Variants in PTP4A1 observed in about 807,000 individuals in gnomAD.
PTP4A1 encodes protein tyrosine phosphatase 4A1.
PTP4A1 carries 9 observed loss-of-function variants against 20.5 expected under a neutral mutation model. That is an observed-to-expected ratio of 0.44 (90% CI 0.26 to 0.77). PTP4A1 has a LOEUF of 0.77. PTP4A1 is among the 30% of genes least tolerant of loss of function. The pLI, the probability that PTP4A1 is intolerant of heterozygous loss-of-function variation, is 0.19. For missense variants in PTP4A1, 137 were observed against 218.8 expected (o/e 0.63, Z 2.36); for synonymous variants, 78 against 67.4 (o/e 1.16, Z -0.77).
At chr6:63,554,064 T>C (rs1039972180) in intron 3 of PTP4A1, among the ~76,000 whole-genome samples, 4 of 152,174 alleles carry the variant, frequency 2.6e-5, no homozygotes, top group Non-Finnish European at 2.9e-5. Flanking sequence ...AGTAATTCAG[T>C]GCTGTAATTT....
At chr6:63,575,782 TCA>T (rs1430905108) in intron 1 of PTP4A1, among the ~76,000 whole-genome samples, 1 of 152,156 alleles carries the variant, frequency 6.6e-6, no homozygotes, top group Admixed American at 6.5e-5. Context: ...TTTCAGAGAC[TCA>T]TTTTCCTCGT....
chr6:63,561,458 G>T (rs1669585642), intron 3 of PTP4A1, among the ~76,000 whole-genome samples: 1 of 152,164 alleles, frequency 6.6e-6, no homozygotes, highest in African/African-American at 2.4e-5. Context: ...GACAGTGCCT[G>T]ATAAACACTG....
intron 3 of PTP4A1, among the ~76,000 whole-genome samples, chr6:63,554,285 T>C (rs1776575934): frequency 1.3e-5 from 2 of 152,216 alleles, no homozygotes; most frequent in Non-Finnish European, 2.9e-5. Flanking sequence ...AACCTCAAAG[T>C]ATATGAAAAG....
upstream of PTP4A1, among the ~76,000 whole-genome samples, chr6:63,568,909 C>T (rs994776340): frequency 6.6e-6 from 1 of 151,992 alleles, no homozygotes; most frequent in African/African-American, 2.4e-5. Flanking sequence ...AGATTATGGC[C>T]CATTGGGGTA....
rs1432988965 is a variant in PTP4A1, at chr6:63,580,399, A to G, written c.*225A>G. On this transcript the variant is annotated 3_prime_UTR_variant, in exon 6 of 6. Transcript: ENST00000626021. ...AAAGATTCTTGCTGTCAGCATATAAAATGTGCTTGTCATTTGTATCAATTG... is the reference window on the plus strand; with the variant it reads ...AAAGATTCTTGCTGTCAGCATATAAGATGTGCTTGTCATTTGTATCAATTG... The G allele has an allele frequency of 6.4e-6, 3 of 469,404 alleles. No homozygotes were observed. The highest frequency in any genetic ancestry group is 1.2e-5 in the Non-Finnish European group (3 of 259,516). The allele number at this position is 469,404 out of a possible 1,614,324, so 29.1% of individuals were successfully genotyped here.
At position 63,582,036 on chromosome 6, in the gene PTP4A1, A is replaced by C. The variant is rs1778270421; in HGVS notation, c.*1862A>C. On this transcript the variant is annotated 3_prime_UTR_variant, in exon 6 of 6. Transcript: ENST00000626021. Reference sequence around the variant, plus strand: ...CTTGTGTTTCAAAGAATTTAGTTCCACCTCTTCATACCAGTTTAACACTTA... The same window carrying C: ...CTTGTGTTTCAAAGAATTTAGTTCCCCCTCTTCATACCAGTTTAACACTTA... 1 of 152,102 alleles carries C rather than the reference A, an allele frequency of 6.6e-6. No individual in the cohort carries two copies. Among genetic ancestry groups the C allele is most frequent in the South Asian group, 2.1e-4 (1 of 4,832 alleles). The allele number at this position is 152,102 out of a possible 1,614,324, so 9.4% of individuals were successfully genotyped here.
At chr6:63,534,777 T>C (rs1029200227) in intron 2 of PTP4A1, among the ~76,000 whole-genome samples, 2 of 147,504 alleles carry the variant, frequency 1.4e-5, no homozygotes, top group African/African-American at 5.4e-5. Context: ...GTAAAATTTC[T>C]TTACTAAAGA....
intron 3 of PTP4A1, among the ~76,000 whole-genome samples, chr6:63,565,009 C>A (rs1379453534): frequency 6.6e-6 from 1 of 152,070 alleles, no homozygotes; most frequent in Non-Finnish European, 1.5e-5. Context: ...TCCATCATTT[C>A]TTTTTTGTTT....
At chr6:63,528,253 G>T (rs1050462345) in intron 2 of PTP4A1, among the ~76,000 whole-genome samples, 2 of 152,180 alleles carry the variant, frequency 1.3e-5, no homozygotes, top group Admixed American at 6.5e-5. Flanking sequence ...CCATGGTGTA[G>T]ATGACTTGAG....
intron 5 of PTP4A1, 126 bp downstream of exon 5, chr6:63,579,457 A>C (rs1461179444): frequency 9.7e-6 from 6 of 619,390 alleles, no homozygotes; most frequent in Non-Finnish European, 1.5e-5. Context: ...TAAAACCAGG[A>C]AATCAAGATC....
At chr6:63,563,957 A>G (rs1170722825) in intron 3 of PTP4A1, among the ~76,000 whole-genome samples, 2 of 152,224 alleles carry the variant, frequency 1.3e-5, no homozygotes, top group African/African-American at 4.8e-5. Flanking sequence ...GTGCATTAAT[A>G]TGTCTGAGGA....
At chr6:63,526,546 A>C (rs1052167992) in intron 1 of PTP4A1, among the ~76,000 whole-genome samples, 35 of 151,974 alleles carry the variant, frequency 2.3e-4, no homozygotes, top group African/African-American at 8.5e-4. Flanking sequence ...GCAGTGGCTC[A>C]TGCCTGTAAT....
intron 3 of PTP4A1, 116 bp from the exon 4 acceptor site, chr6:63,578,782 T>C: frequency 8.4e-7 from 1 of 1,191,618 alleles, no homozygotes; most frequent in Non-Finnish European, 1.1e-6. Flanking sequence ...TAATAAGATT[T>C]GATTAAACAT....
chr6:63,582,401 ATAAAT>A lies in PTP4A1; in HGVS notation c.*2231_*2235del, dbSNP rs1000660389. On this transcript the variant is annotated 3_prime_UTR_variant, in exon 6 of 6. Transcript: ENST00000626021. Reference sequence around the variant, plus strand: ...TTGGATTGTATATATGGTGCTAAAAATAAATTAATTTACTTTATAAACCTTATCTG... The same window carrying A: ...TTGGATTGTATATATGGTGCTAAAAATAATTTACTTTATAAACCTTATCTG... The A allele has an allele frequency of 8.5e-5, 13 of 152,760 alleles. No homozygotes were observed. Among genetic ancestry groups the A allele is most frequent in the South Asian group, 2.1e-4 (1 of 4,832 alleles). The allele number at this position is 152,760 out of a possible 1,614,324, so 9.5% of individuals were successfully genotyped here. A position where few individuals can be genotyped will look rare whatever the true frequency, so the allele number is the denominator to read the frequency against.
intron 2 of PTP4A1, among the ~76,000 whole-genome samples, chr6:63,537,298 A>G (rs1193240061): frequency 6.6e-6 from 1 of 152,192 alleles, no homozygotes; most frequent in African/African-American, 2.4e-5. Context: ...TTCCAGACCT[A>G]GTGAACCAGA....
At chr6:63,536,652 CTG>C (rs1189233532) in intron 2 of PTP4A1, among the ~76,000 whole-genome samples, 1 of 152,114 alleles carries the variant, frequency 6.6e-6, no homozygotes, top group Non-Finnish European at 1.5e-5. Flanking sequence ...GTCGCGATAA[CTG>C]TGTTTTATCC....
intron 2 of PTP4A1, among the ~76,000 whole-genome samples, chr6:63,543,028 A>C (rs1288046237): frequency 6.6e-6 from 1 of 152,194 alleles, no homozygotes; most frequent in Non-Finnish European, 1.5e-5. Flanking sequence ...ACCCATCACA[A>C]CATTAATTAA....
chr6:63,522,547 T>A (rs969056865), intron 1 of PTP4A1, among the ~76,000 whole-genome samples: 2 of 152,206 alleles, frequency 1.3e-5, no homozygotes, highest in African/African-American at 2.4e-5. Flanking sequence ...CACTTTCTTT[T>A]TGAGGTAGAA....
upstream of PTP4A1, chr6:63,572,294 C>G: frequency 4.9e-6 from 1 of 204,300 alleles, no homozygotes; most frequent in East Asian, 1.1e-4. Context: ...GGGGATGCTC[C>G]GACTCGGCGC....
Sources: gnomAD v4.1 joint callset for allele counts (sites outside exome capture counted in the v4.1 genomes callset) on GRCh38, gnomAD v4.1.1 for gene constraint, MANE v1.5 for transcripts, NCBI Gene and HGNC (gene_info 2026-07-23, HGNC 2026-07-21) for gene names.